AKNAD1: variants seen among roughly 807,000 people sequenced by gnomAD.
AKNAD1 encodes protein AKNAD1.
AKNAD1 carries 67 observed loss-of-function variants against 90.8 expected under a neutral mutation model. That is an observed-to-expected ratio of 0.74 (90% CI 0.61 to 0.90). The LOEUF is 0.90. Ranked by LOEUF, AKNAD1 falls within the 40% of genes least tolerant of loss-of-function variation. The pLI is 0.00. For synonymous variants in AKNAD1, 327 were observed against 341.4 expected (o/e 0.96, Z 0.46); for missense variants, 957 against 975.4 (o/e 0.98, Z 0.25).
intron 1 of AKNAD1, among the ~76,000 whole-genome samples, chr1:108,855,638 T>A (rs1440051986): frequency 6.7e-6 from 1 of 150,116 alleles, no homozygotes; most frequent in African/African-American, 2.5e-5. Context: ...ATACAAAAAT[T>A]AGTTGGGCAT....
In AKNAD1 at chr1:108,826,887, G is replaced by A. The variant is rs1557827236; in HGVS notation, c.1936+318C>T. Among the ~76,000 whole-genome samples the A allele has an allele frequency of 2.7e-5, 4 of 150,728 alleles. No individual in the cohort carries two copies. In the Admixed American group the frequency reaches 2.7e-4, roughly 10 times the overall value. On this transcript the variant is annotated intron_variant, in intron 11 of 15. Transcript: ENST00000370001. Reference sequence around the variant, plus strand: ...CCCAAGTAGCTGGGACTACAGGCGTGAGCCACCACACCTGGCTAATTTTTG... The same window carrying A: ...CCCAAGTAGCTGGGACTACAGGCGTAAGCCACCACACCTGGCTAATTTTTG...
At chr1:108,838,037 C>G (rs549240350) in intron 6 of AKNAD1, among the ~76,000 whole-genome samples, 1 of 152,274 alleles carries the variant, frequency 6.6e-6, no homozygotes, top group African/African-American at 2.4e-5. Flanking sequence ...ATTCTAAGAA[C>G]TGTGATTCTA....
chr1:108,819,142 A>C (rs1032540164), intron 14 of AKNAD1, among the ~76,000 whole-genome samples: 2 of 152,054 alleles, frequency 1.3e-5, no homozygotes, highest in African/African-American at 4.8e-5. Flanking sequence ...GAATACACAG[A>C]CTTTTCTCTT....
At chr1:108,851,596 A>C in intron 2 of AKNAD1, 76 bp downstream of exon 2, 1 of 1,402,312 alleles carries the variant, frequency 7.1e-7, no homozygotes, top group South Asian at 1.5e-5. Context: ...AGCTCTATTC[A>C]CCCTCCAAAA....
chr1:108,838,376 G>A (rs536437841), intron 6 of AKNAD1, among the ~76,000 whole-genome samples: 2 of 150,604 alleles, frequency 1.3e-5, no homozygotes, highest in East Asian at 3.9e-4. Context: ...AAATAGCTTT[G>A]GATTAAGTAG....
chr1:108,836,348 G>A (rs749559123), intron 7 of AKNAD1, among the ~76,000 whole-genome samples: 1 of 152,164 alleles, frequency 6.6e-6, no homozygotes, highest in Non-Finnish European at 1.5e-5. Context: ...CCTCTATGAA[G>A]CATCGACTCT....
chr1:108,820,230 A>G (rs1429097775), intron 14 of AKNAD1, among the ~76,000 whole-genome samples: 2 of 152,198 alleles, frequency 1.3e-5, no homozygotes. Flanking sequence ...CCCCCAAATT[A>G]GATCAATGGG....
chr1:108,819,619 A>T (rs914421237), intron 14 of AKNAD1, among the ~76,000 whole-genome samples: 17 of 148,310 alleles, frequency 1.1e-4, no homozygotes, highest in African/African-American at 2.0e-4. Context: ...CTCAAAAAAA[A>T]TTTTTTTTTA....
At chr1:108,834,837 G>A (rs1664328854) in intron 8 of AKNAD1, 92 bp downstream of exon 8, 2 of 1,484,886 alleles carry the variant, frequency 1.3e-6, no homozygotes, top group Non-Finnish European at 8.9e-7. Flanking sequence ...TGCTTTTCCT[G>A]TGGGAGCCTC....
chr1:108,822,426 A>G (rs569754199), intron 13 of AKNAD1, among the ~76,000 whole-genome samples: 129 of 152,346 alleles, frequency 8.5e-4, no homozygotes, highest in Middle Eastern at 3.4e-3. Flanking sequence ...CACAGGCTGT[A>G]GACCTCAAAA....
chr1:108,851,429 G>T (rs1429659512), intron 2 of AKNAD1, among the ~76,000 whole-genome samples: 1 of 152,186 alleles, frequency 6.6e-6, no homozygotes, highest in African/African-American at 2.4e-5. Flanking sequence ...AGTGAGGAGA[G>T]CCAAATTCCG....
Position 108,817,112 on chromosome 1 carries a change from G to A in AKNAD1, c.2315C>T (p.Ser772Phe), listed in dbSNP as rs1266835170. The change falls in exon 15 of 16, where the codon TCC becomes TTC. Residue 772 changes from serine (S) to phenylalanine (F), a missense_variant. By Grantham distance (155) the Ser-to-Phe change is radical (BLOSUM62 -2). Transcript: ENST00000370001. The stretch of plus-strand genomic sequence containing the variant: ...GGATTTGCTTCCAGAAATCCTGCAG[G>A]AGTAGAAATGGGGTGAGGGTGTTGC... ...DPATPSPHFY[S>F]CRISGSKSLC... The A allele has an allele frequency of 1.9e-6, 3 of 1,614,050 alleles. No homozygotes were observed. The highest frequency in any genetic ancestry group is 2.2e-5 in the East Asian group (1 of 44,904).
chr1:108,842,328 A>G (rs1368917271), intron 6 of AKNAD1, among the ~76,000 whole-genome samples: 2 of 152,220 alleles, frequency 1.3e-5, no homozygotes, highest in African/African-American at 4.8e-5. Flanking sequence ...GGCTAAACTC[A>G]CAAATATTAA....
At position 108,848,749 on chromosome 1, in the gene AKNAD1, T is replaced by C; in HGVS notation, c.1245+3A>G. The C allele has an allele frequency of 6.2e-7, 1 of 1,604,548 alleles. No individual in the cohort carries two copies. The highest frequency in any genetic ancestry group is 1.7e-5 in the Admixed American group (1 of 57,574). Reference sequence around the variant, plus strand: ...ATTTTAAAAACGGGATAAAATTCATTACCAGCTTCTTGTCTTGCAAATGGT... The same window carrying C: ...ATTTTAAAAACGGGATAAAATTCATCACCAGCTTCTTGTCTTGCAAATGGT... On this transcript the variant is annotated splice_donor_region_variant and intron_variant, in intron 5 of 15. Transcript: ENST00000370001.
intron 6 of AKNAD1, among the ~76,000 whole-genome samples, chr1:108,839,463 C>A (rs1415986362): frequency 8.4e-5 from 3 of 35,608 alleles, no homozygotes; most frequent in African/African-American, 4.0e-4. Context: ...AGCGAGACTC[C>A]GTCTCAATAA....
chr1:108,848,733 A>C lies in AKNAD1; in HGVS notation c.1245+19T>G. 6.3e-7 allele frequency: 1 copy of C among 1,595,406 alleles called. No individual in the cohort carries two copies. The highest frequency in any genetic ancestry group is 8.5e-7 in the Non-Finnish European group (1 of 1,172,828). On this transcript the variant is annotated intron_variant, in intron 5 of 15. Transcript: ENST00000370001. ...ATATTCTCTAATCAAGATTTTAAAAACGGGATAAAATTCATTACCAGCTTC... is the reference window on the plus strand; with the variant it reads ...ATATTCTCTAATCAAGATTTTAAAACCGGGATAAAATTCATTACCAGCTTC...
chr1:108,857,787 C>G (rs1190767605), upstream of AKNAD1, among the ~76,000 whole-genome samples: 1 of 152,232 alleles, frequency 6.6e-6, no homozygotes. Context: ...GTAACACTCA[C>G]AAGTCCTACA....
At chr1:108,841,697 C>A (rs55637576) in intron 6 of AKNAD1, among the ~76,000 whole-genome samples, 1 of 152,100 alleles carries the variant, frequency 6.6e-6, no homozygotes, top group Non-Finnish European at 1.5e-5. Flanking sequence ...ATAAGGTTCT[C>A]GACATATCAA....
At chr1:108,846,159 A>G (rs1417517113) in intron 5 of AKNAD1, among the ~76,000 whole-genome samples, 2 of 152,164 alleles carry the variant, frequency 1.3e-5, no homozygotes, top group Non-Finnish European at 2.9e-5. Flanking sequence ...TCTGCTGTGT[A>G]GTGCTGCTCA....
Sources: gnomAD v4.1 joint callset for allele counts (sites outside exome capture counted in the v4.1 genomes callset) on GRCh38, gnomAD v4.1.1 for gene constraint, MANE v1.5 for transcripts, NCBI Gene and HGNC (gene_info 2026-07-23, HGNC 2026-07-21) for gene names.